TUBGCP5: variants seen among roughly 807,000 people sequenced by gnomAD.
TUBGCP5 encodes tubulin gamma complex component 5, also known as gamma-tubulin complex component 5.
In TUBGCP5, 98 loss-of-function variants were observed where a neutral mutation model predicts 134.7. That is an observed-to-expected ratio of 0.73 (90% CI 0.62 to 0.86). TUBGCP5 has a LOEUF of 0.86. Among genes scored for constraint, TUBGCP5 ranks in the 40% least tolerant of loss-of-function variants. TUBGCP5 has a pLI of 0.00. For synonymous variants in TUBGCP5, 456 were observed against 431.4 expected, an observed-to-expected ratio of 1.06 and a Z score of -0.71; for missense variants, 1,150 against 1,244.8, an observed-to-expected ratio of 0.92 and a Z score of 1.15.
chr15:23,035,328 T>TAAAAAAA (rs2066522132), intron 3 of TUBGCP5, among the ~76,000 whole-genome samples: 2 of 51,544 alleles, frequency 3.9e-5, no homozygotes, highest in Non-Finnish European at 3.6e-5. Flanking sequence ...ACACTCAGTC[T>TAAAAAAA]TAAAAAAAAA....
At position 23,024,758 on chromosome 15, in the gene TUBGCP5, A is replaced by G. The variant is rs753046176; in HGVS notation, c.900T>C (p.Ile300=). Residue 300 remains isoleucine, a synonymous_variant, in exon 9 of 23, where the codon ATT becomes ATC. Coordinates refer to ENST00000615383, the MANE Select transcript of TUBGCP5 (RefSeq NM_052903.6). ...IDGKVTVRNN[I]IVTHLTHSCL... is the part of the protein sequence containing the mutation. ...TTACATGTGTTAAATGAGTTACTAT[A>G]ATATTGTTTCTCACAGTTACCTTCC... 3 of 1,572,858 alleles carry G rather than the reference A, an allele frequency of 1.9e-6. No individual in the cohort carries two copies. Among genetic ancestry groups the G allele is most frequent in the Admixed American group, 3.5e-5 (2 of 57,592 alleles).
At chr15:23,032,218 G>C (rs1263251491) in intron 4 of TUBGCP5, among the ~76,000 whole-genome samples, 189 bp from the exon 5 acceptor site, 1 of 152,108 alleles carries the variant, frequency 6.6e-6, no homozygotes, top group Non-Finnish European at 1.5e-5. Flanking sequence ...TCAAAGGTGA[G>C]TGTTCTCTTT....
chr15:23,003,990 T>C (rs2064551209), intron 20 of TUBGCP5, 112 bp downstream of exon 20: 4 of 1,372,348 alleles, frequency 2.9e-6, no homozygotes, highest in Admixed American at 3.0e-5. Flanking sequence ...ATCTGGTTCT[T>C]CCTTAAAGAA....
At chr15:23,027,608 T>G (rs1006358988) in intron 6 of TUBGCP5, among the ~76,000 whole-genome samples, 6 of 150,982 alleles carry the variant, frequency 4.0e-5, no homozygotes, top group African/African-American at 1.5e-4. Context: ...ACAAAAAAAT[T>G]AGCCAGGGAT....
At chr15:23,034,953 A>C (rs77351641) in intron 3 of TUBGCP5, among the ~76,000 whole-genome samples, 1 of 151,376 alleles carries the variant, frequency 6.6e-6, no homozygotes, top group Non-Finnish European at 1.5e-5. Context: ...TACTAACCAC[A>C]AAAAAAAAGA....
intron 11 of TUBGCP5, among the ~76,000 whole-genome samples, chr15:23,020,584 C>CAA (rs542905350): frequency 4.0e-3 from 301 of 76,018 alleles, no homozygotes; most frequent in South Asian, 5.2e-3. Context: ...GACTACGTCT[C>CAA]AAAAAAAAAA....
chr15:23,004,917 T>C (rs2140425183), intron 19 of TUBGCP5, among the ~76,000 whole-genome samples: 1 of 152,324 alleles, frequency 6.6e-6, no homozygotes, highest in Admixed American at 6.5e-5. Context: ...CCTCTAATAA[T>C]ACTGCTCTTG....
intron 23 of TUBGCP5, among the ~76,000 whole-genome samples, chr15:22,986,554 T>G (rs780074410): frequency 2.0e-5 from 3 of 151,816 alleles, no homozygotes; most frequent in Non-Finnish European, 4.4e-5. Context: ...CTGACCAACA[T>G]GGCGAAACCC....
At chr15:22,988,323 A>G (rs1382821407) in intron 23 of TUBGCP5, among the ~76,000 whole-genome samples, 1 of 151,938 alleles carries the variant, frequency 6.6e-6, no homozygotes, top group Non-Finnish European at 1.5e-5. Context: ...ACACAGCCAC[A>G]AGTCATAGAA....
In TUBGCP5 at chr15:23,015,356, G is replaced by A. The variant is rs2065251692; in HGVS notation, c.1756+2417C>T. Among the ~76,000 whole-genome samples, 3 of 151,132 alleles carry A rather than the reference G, an allele frequency of 2.0e-5. No homozygotes were observed. In the South Asian group the frequency reaches 6.3e-4, roughly 32 times the overall value. On this transcript the variant is annotated intron_variant, in intron 13 of 22. Transcript: ENST00000615383. ...CTGCCTTGGCCTCCGAAAGTGCTGG[G>A]ATTGGCTGGGCGTGATGGCTCACGC...
Position 23,009,975 on chromosome 15 carries a change from T to C in TUBGCP5, c.2114A>G (p.Asn705Ser), listed in dbSNP as rs1406401491. ...IDKQYLDCCG[N>S]LMQTLKKDYR... Reference sequence around the variant, plus strand: ...ATCTTTTTTTAGAGTTTGCATGAGATTTCCACAGCAATCTAGATACTGCTT... The same window carrying C: ...ATCTTTTTTTAGAGTTTGCATGAGACTTCCACAGCAATCTAGATACTGCTT... Residue 705 changes from asparagine to serine, a missense_variant, in exon 15 of 23, where the codon AAT becomes AGT. Transcript: ENST00000615383. The C allele has an allele frequency of 1.2e-6, 2 of 1,613,352 alleles. No individual in the cohort carries two copies. Among genetic ancestry groups the C allele is most frequent in the African/African-American group, 2.7e-5 (2 of 74,932 alleles).
At chr15:23,009,605 ATG>A (rs2064921139) in intron 15 of TUBGCP5, among the ~76,000 whole-genome samples, 1 of 151,806 alleles carries the variant, frequency 6.6e-6, no homozygotes, top group Non-Finnish European at 1.5e-5. Flanking sequence ...CAAAGTTCAT[ATG>A]TGGGTATGTA....
chr15:23,030,393 A>G (rs758022294), intron 6 of TUBGCP5, among the ~76,000 whole-genome samples: 3 of 152,184 alleles, frequency 2.0e-5, no homozygotes, highest in African/African-American at 4.8e-5. Flanking sequence ...CTCAGTATCC[A>G]ATGGGGACTG....
At chr15:22,987,001 CAGCT>C (rs2063699410) in intron 23 of TUBGCP5, among the ~76,000 whole-genome samples, 1 of 152,088 alleles carries the variant, frequency 6.6e-6, no homozygotes, top group Non-Finnish European at 1.5e-5. Context: ...GGGGCTGGCT[CAGCT>C]AGGATGAAAT....
intron 13 of TUBGCP5, 29 bp from the exon 14 acceptor site, chr15:23,011,360 A>T: frequency 6.4e-7 from 1 of 1,554,280 alleles, no homozygotes; most frequent in South Asian, 1.2e-5. Context: ...TGTAAGGTGA[A>T]CTAAGTTCTG....
intron 18 of TUBGCP5, chr15:23,005,843 C>G: frequency 1.5e-6 from 1 of 673,594 alleles, no homozygotes; most frequent in Non-Finnish European, 2.4e-6. Context: ...ATACAACTTC[C>G]TGATCTTTCT....
chr15:23,023,925 A>G (rs1266847085), intron 10 of TUBGCP5, 22 bp downstream of exon 10: 4 of 1,610,676 alleles, frequency 2.5e-6, no homozygotes, highest in South Asian at 2.2e-5. Context: ...TAGTATGAGT[A>G]AAGATGAAGA....
intron 23 of TUBGCP5, among the ~76,000 whole-genome samples, chr15:22,991,173 C>T (rs1410053981): frequency 6.6e-6 from 1 of 151,848 alleles, no homozygotes; most frequent in East Asian, 1.9e-4. Flanking sequence ...TGTCAGCTCA[C>T]TGCAACCTCT....
rs1249088579 is a variant in TUBGCP5, at chr15:23,008,695, T to C, written c.2327+4A>G. ...TTTAAATAAAGGTGGCGTCCATATT[T>C]TACCGTGAACTATCTTCAGGATAAC... On this transcript the variant is annotated splice_donor_region_variant and intron_variant, in intron 16 of 22. Coordinates refer to ENST00000615383, the MANE Select transcript of TUBGCP5 (RefSeq NM_052903.6). 2 of 1,605,952 alleles carry C rather than the reference T, an allele frequency of 1.2e-6. No homozygotes were observed. Among genetic ancestry groups the C allele is most frequent in the South Asian group, 1.1e-5 (1 of 88,974 alleles).
Sources: allele counts gnomAD v4.1 joint callset (sites outside exome capture counted in the v4.1 genomes callset), GRCh38; gene constraint gnomAD v4.1.1; transcripts MANE v1.5; gene names NCBI Gene and HGNC (gene_info 2026-07-23, HGNC 2026-07-21).